Variants in SAMD10 observed in about 807,000 individuals in gnomAD.
SAMD10 encodes sterile alpha motif domain-containing protein 10.
A neutral mutation model predicts 22.5 loss-of-function variants in SAMD10; 16 were observed. The observed-to-expected ratio is 0.71, with a 90% CI of 0.48 to 1.08. SAMD10 has a LOEUF of 1.08. Ranked by LOEUF, SAMD10 falls within the 50% of genes least tolerant of loss-of-function variation. The pLI is 0.00. For synonymous variants in SAMD10, 118 were observed against 122.2 expected (o/e 0.97, Z 0.23); for missense variants, 227 against 281.3 (o/e 0.81, Z 1.38).
chr20:63,978,382 G>A lies in SAMD10; in HGVS notation c.92-976C>T, dbSNP rs530668523. 9 of 1,102,068 alleles carry A rather than the reference G, an allele frequency of 8.2e-6. No individual in the cohort carries two copies. In the East Asian group the frequency reaches 4.6e-4, roughly 57 times the overall value. The allele number at this position is 1,102,068 out of a possible 1,614,324, so 68.3% of individuals were successfully genotyped here. Reference sequence around the variant, plus strand: ...AGAGCCTGTGGGGAGACAGAAGGTGGGCACAGGCCTGCCCCTGTCTTTACA... The same window carrying A: ...AGAGCCTGTGGGGAGACAGAAGGTGAGCACAGGCCTGCCCCTGTCTTTACA... On this transcript the variant is annotated intron_variant, in intron 1 of 4. Coordinates refer to ENST00000369886, the MANE Select transcript of SAMD10 (RefSeq NM_080621.5).
chr20:63,976,841 G>A, intron 3 of SAMD10, 130 bp downstream of exon 3: 1 of 735,760 alleles, frequency 1.4e-6, no homozygotes, highest in Non-Finnish European at 2.3e-6. Context: ...GAAGAACAGA[G>A]GGGAGGTTGA....
upstream of SAMD10, chr20:63,979,730 G>A: frequency 1.0e-6 from 1 of 968,394 alleles, no homozygotes; most frequent in Non-Finnish European, 1.2e-6. This position sits in a 1 kb window ranked among gnomAD's most constrained non-coding sequence, Gnocchi z 7.7. Flanking sequence ...AGGGGCGTCC[G>A]TGCGCCCCTG....
Position 63,979,298 on chromosome 20 carries a change from T to G in SAMD10, c.91+79A>C. The G allele has an allele frequency of 1.9e-6, 2 of 1,047,014 alleles. No individual in the cohort carries two copies. The highest frequency in any genetic ancestry group is 2.6e-6 in the Non-Finnish European group (2 of 781,136). 64.9% of individuals were successfully genotyped at this position (1,047,014 alleles called of 1,614,324 possible). Reference sequence around the variant, plus strand: ...CCACCGCCGCTCGAAGCCCGCCGGGTCCCGCCCCGCCCCCGTGCCTCTGGG... The same window carrying G: ...CCACCGCCGCTCGAAGCCCGCCGGGGCCCGCCCCGCCCCCGTGCCTCTGGG... On this transcript the variant is annotated intron_variant, in intron 1 of 4. Coordinates refer to ENST00000369886, the MANE Select transcript of SAMD10 (RefSeq NM_080621.5). This position sits in a 1 kb window ranked among gnomAD's most constrained non-coding sequence, Gnocchi z 7.7.
Position 63,975,685 on chromosome 20 carries a change from C to T in SAMD10, c.586+7G>A, listed in dbSNP as rs768791060. The T allele has an allele frequency of 3.8e-6, 6 of 1,597,786 alleles. No homozygotes were observed. The South Asian group carries it at 4.5e-5, about 12-fold the overall frequency. ...GCCCCCAGGCCTCTCTGGCACCTCA[C>T]ACTGACCTTGGCTGAGCAGCTGCAG... On this transcript the variant is annotated splice_region_variant and intron_variant, in intron 4 of 4. Coordinates refer to ENST00000369886, the MANE Select transcript of SAMD10 (RefSeq NM_080621.5).
rs1294085242 is a variant in SAMD10 at position 63,975,303 on chromosome 20, C to T, written c.*207G>A. Reference sequence around the variant, plus strand: ...AGGTGGGGCCACACTCAAGCAGCCCCCTACCCACCCAGCCCCAGGGCACGA... The same window carrying T: ...AGGTGGGGCCACACTCAAGCAGCCCTCTACCCACCCAGCCCCAGGGCACGA... On this transcript the variant is annotated 3_prime_UTR_variant, in exon 5 of 5. Coordinates refer to ENST00000369886, the MANE Select transcript of SAMD10 (RefSeq NM_080621.5). 1.7e-6 allele frequency: 1 copy of T among 589,514 alleles called. No homozygotes were observed. The highest frequency in any genetic ancestry group is 3.4e-5 in the Admixed American group (1 of 29,110). 36.5% of individuals were successfully genotyped at this position (589,514 alleles called of 1,614,324 possible). A position where few individuals can be genotyped will look rare whatever the true frequency, so the allele number is the denominator to read the frequency against.
rs927479823 is a variant in SAMD10 at position 63,975,336 on chromosome 20, T to C, written c.*174A>G. On this transcript the variant is annotated 3_prime_UTR_variant, in exon 5 of 5. Transcript: ENST00000369886. ...CCCAGCCCCAGGGCACGACCTGGAA[T>C]GTCCAACCAGAGGCGCCTGGAGGTG... 1.5e-6 allele frequency: 1 copy of C among 661,784 alleles called. No homozygotes were observed. Among genetic ancestry groups the C allele is most frequent in the African/African-American group, 1.9e-5 (1 of 52,144 alleles). 41.0% of individuals were successfully genotyped at this position (661,784 alleles called of 1,614,324 possible).
At chr20:63,978,135 C>T (rs888584865) in intron 1 of SAMD10, 7 of 417,060 alleles carry the variant, frequency 1.7e-5, no homozygotes, top group Non-Finnish European at 3.4e-5. Flanking sequence ...ATGTGGGGTG[C>T]AGCCATTGCT....
Position 63,977,531 on chromosome 20 carries a change from T to C in SAMD10, c.92-125A>G. 2.1e-6 allele frequency: 2 copies of C among 953,598 alleles called. No individual in the cohort carries two copies. Among genetic ancestry groups the C allele is most frequent in the South Asian group, 1.6e-5 (1 of 62,548 alleles). The allele number at this position is 953,598 out of a possible 1,614,324, so 59.1% of individuals were successfully genotyped here. On this transcript the variant is annotated intron_variant, in intron 1 of 4. Transcript: ENST00000369886. This position sits in a 1 kb window ranked among gnomAD's most constrained non-coding sequence, Gnocchi z 5.4. The stretch of plus-strand genomic sequence containing the variant: ...GGGAAATCACCTCCCCAATGAGGGG[T>C]TCCCAAGCCTCCAAAGGCAGAAGGA...
Position 63,977,255 on chromosome 20 carries a change from G to A in SAMD10, c.243C>T (p.Leu81=). 6.2e-7 allele frequency: 1 copy of A among 1,613,478 alleles called. No individual in the cohort carries two copies. Among genetic ancestry groups the A allele is most frequent in the Non-Finnish European group, 8.5e-7 (1 of 1,179,984 alleles). ...QRAASSRPIK[L]LQQPGTDTPQ... Reference sequence around the variant, plus strand: ...GGGTGTCTGTGCCGGGCTGCTGCAGGAGCTTGATTGGCCTGCTGCTGGCCG... The same window carrying A: ...GGGTGTCTGTGCCGGGCTGCTGCAGAAGCTTGATTGGCCTGCTGCTGGCCG... Residue 81 remains leucine, a synonymous_variant, in exon 2 of 5, where the codon CTC becomes CTT. Transcript: ENST00000369886. This position sits in a 1 kb window ranked among gnomAD's most constrained non-coding sequence, Gnocchi z 5.4.
upstream of SAMD10, chr20:63,979,644 C>T (rs2059050814): frequency 1.3e-5 from 13 of 984,970 alleles, no homozygotes; most frequent in African/African-American, 3.5e-5. The surrounding 1 kb of genome is among the most constrained non-coding windows in gnomAD (Gnocchi z 7.7). Flanking sequence ...GCCCTGTGTG[C>T]CGGGCGCGCT....
In SAMD10 at chr20:63,979,094, T is replaced by C. The variant is rs817351; in HGVS notation, c.91+283A>G. Among the ~76,000 whole-genome samples the C allele has an allele frequency of 0.26, 38,896 of 151,980 alleles. 6,267 individuals carry two copies. Among genetic ancestry groups the C allele is most frequent in the African/African-American group, 0.45 (18,639 of 41,428 alleles). ...CAAAAGCGGGGGAGGGTTTTCCCCG[T>C]GCGCAGGAAAAGGTGACCCGAGCGT... On this transcript the variant is annotated intron_variant, in intron 1 of 4. Coordinates refer to ENST00000369886, the MANE Select transcript of SAMD10 (RefSeq NM_080621.5). The surrounding 1 kb of genome is among the most constrained non-coding windows in gnomAD (Gnocchi z 7.7).
rs1031550127 is a variant in SAMD10 at position 63,977,900 on chromosome 20, A to T, written c.92-494T>A. Among the ~76,000 whole-genome samples the T allele has an allele frequency of 3.3e-5, 5 of 152,224 alleles. No homozygotes were observed. Among genetic ancestry groups the T allele is most frequent in the African/African-American group, 9.6e-5 (4 of 41,464 alleles). On this transcript the variant is annotated intron_variant, in intron 1 of 4. Coordinates refer to ENST00000369886, the MANE Select transcript of SAMD10 (RefSeq NM_080621.5). The surrounding 1 kb of genome is among the most constrained non-coding windows in gnomAD (Gnocchi z 5.4). ...CTGAGGATGCTGCTTGCCCATCGCC[A>T]CTGAAGGCACCCAGTTCACACAGCC...
At chr20:63,976,754 T>C (rs2059024905) in intron 3 of SAMD10, among the ~76,000 whole-genome samples, 1 of 92,482 alleles carries the variant, frequency 1.1e-5, no homozygotes, top group South Asian at 4.1e-4. Flanking sequence ...GGAGTAAATC[T>C]CTGTCTCACC....
chr20:63,979,632 G>T lies in SAMD10; in HGVS notation c.-165C>A. 1 of 985,028 alleles carries T rather than the reference G, an allele frequency of 1.0e-6. No homozygotes were observed. Among genetic ancestry groups the T allele is most frequent in the South Asian group, 4.7e-5 (1 of 21,468 alleles). 61.0% of individuals were successfully genotyped at this position (985,028 alleles called of 1,614,324 possible). On this transcript the variant is annotated 5_prime_UTR_variant, in exon 1 of 5. Coordinates refer to ENST00000369886, the MANE Select transcript of SAMD10 (RefSeq NM_080621.5). The surrounding 1 kb of genome is among the most constrained non-coding windows in gnomAD (Gnocchi z 7.7). ...TGTGCGCGACGAGGCACCTGCCGCC[G>T]AGCCCTGTGTGCCGGGCGCGCTCCG... is the stretch of plus-strand genomic sequence containing the variant.
rs984743584 is a variant in SAMD10 at position 63,977,508 on chromosome 20, G to T, written c.92-102C>A. 39 of 1,213,022 alleles carry T rather than the reference G, an allele frequency of 3.2e-5. No homozygotes were observed. The highest frequency in any genetic ancestry group is 1.1e-4 in the Admixed American group (5 of 45,738). 75.1% of individuals were successfully genotyped at this position (1,213,022 alleles called of 1,614,324 possible). ...CCCCATCTCCTCCACACTAGTGCGG[G>T]AAATCACCTCCCCAATGAGGGGTTC... On this transcript the variant is annotated intron_variant, in intron 1 of 4. Coordinates refer to ENST00000369886, the MANE Select transcript of SAMD10 (RefSeq NM_080621.5). The surrounding 1 kb of genome is among the most constrained non-coding windows in gnomAD (Gnocchi z 5.4).
At chr20:63,976,764 C>CAAAAAAAAAA (rs60461303) in intron 3 of SAMD10, among the ~76,000 whole-genome samples, 10 of 63,926 alleles carry the variant, frequency 1.6e-4, no homozygotes, top group African/African-American at 6.0e-4. Context: ...TCTGTCTCAC[C>CAAAAAAAAAA]AAAAAAAAAA....
chr20:63,975,819 C>T lies in SAMD10; in HGVS notation c.459G>A (p.Leu153=). The change falls in exon 4 of 5, where the codon CTG becomes CTA. Residue 153 remains leucine (L), a synonymous_variant. Coordinates refer to ENST00000369886, the MANE Select transcript of SAMD10 (RefSeq NM_080621.5). ...SQHAITGRAL[L]RLNAEKLQRM... The stretch of plus-strand genomic sequence containing the variant: ...GCTGCAGCTTCTCCGCATTCAGCCG[C>T]AGCAGTGCCCGGCCTGGGGAGAGGA... 1 of 1,600,226 alleles carries T rather than the reference C, an allele frequency of 6.2e-7. No homozygotes were observed. Among genetic ancestry groups the T allele is most frequent in the South Asian group, 1.1e-5 (1 of 90,650 alleles).
rs765703367 is a variant in SAMD10, at chr20:63,975,528, G to A, written c.591C>T (p.Ser197=). The A allele has an allele frequency of 6.2e-7, 1 of 1,607,020 alleles. No homozygotes were observed. Among genetic ancestry groups the A allele is most frequent in the South Asian group, 1.1e-5 (1 of 90,226 alleles). ...GRSLQLLSQA[S]FGKMS ...GCAGCAGCTAGGACATTTTCCCGAA[G>A]GAAGCTGTGTGATGGAAGAGGGTGA... The change falls in exon 5 of 5, where the codon TCC becomes TCT. Residue 197 remains serine (S), a synonymous_variant. Coordinates refer to ENST00000369886, the MANE Select transcript of SAMD10 (RefSeq NM_080621.5).
At chr20:63,979,706 T>C, upstream of SAMD10, 1 of 984,840 alleles carries the variant, frequency 1.0e-6, no homozygotes, top group Non-Finnish European at 1.2e-6. The surrounding 1 kb of genome is among the most constrained non-coding windows in gnomAD (Gnocchi z 7.7). Flanking sequence ...GCACCAAGGC[T>C]GTCCGCCAGG....
Sources: allele counts gnomAD v4.1 joint callset (sites outside exome capture counted in the v4.1 genomes callset), GRCh38; gene constraint gnomAD v4.1.1; non-coding constraint Gnocchi (gnomAD v3.1); transcripts MANE v1.5; gene names NCBI Gene and HGNC (gene_info 2026-07-23, HGNC 2026-07-21).